EPN3: variants seen among roughly 807,000 people sequenced by gnomAD.
EPN3 encodes the protein epsin-3.
EPN3 carries 56 observed loss-of-function variants against 55.5 expected under a neutral mutation model. The observed-to-expected ratio is 1.01, with a 90% CI of 0.81 to 1.26. EPN3 has a LOEUF of 1.26. Ranked by LOEUF, EPN3 falls within the 50% of genes most tolerant of loss-of-function variation. The pLI, the probability that EPN3 is intolerant of heterozygous loss-of-function variation, is 0.00. For synonymous variants in EPN3, 449 were observed against 375.2 expected (o/e 1.20, Z -2.27); for missense variants, 927 against 853.4 (o/e 1.09, Z -1.07).
chr17:50,538,112 T>G lies in EPN3; in HGVS notation c.596T>G (p.Leu199Arg). The change falls in exon 3 of 10, where the codon CTG becomes CGG. Residue 199 changes from leucine to arginine, a missense_variant. Leu to Arg is a moderately radical substitution (Grantham distance 102). Transcript: ENST00000268933. ...SSSSPRYTSD[L>R]EQARPQTSGE... ...TCGTCACCCCGCTATACCTCCGACC[T>G]GGAGCAGGCCCGGCCTCAGACGTCA... The G allele has an allele frequency of 6.2e-7, 1 of 1,614,054 alleles. No individual in the cohort carries two copies.
Position 50,536,938 on chromosome 17 carries a change from A to C in EPN3, c.382A>C (p.Lys128Gln). 6.2e-7 allele frequency: 1 copy of C among 1,614,134 alleles called. No individual in the cohort carries two copies. Among genetic ancestry groups the C allele is most frequent in the Non-Finnish European group, 8.5e-7 (1 of 1,180,056 alleles). Residue 128 changes from lysine (K) to glutamine (Q), a missense_variant, in exon 2 of 10, where the codon AAG becomes CAG. Transcript: ENST00000268933. Reference sequence around the variant, plus strand: ...GGGCGTCAACGTGCGCGAGAAGGTCAAGCAGGTGATGGCCCTGCTCAAGGA... The same window carrying C: ...GGGCGTCAACGTGCGCGAGAAGGTCCAGCAGGTGATGGCCCTGCTCAAGGA... ...DQGVNVREKV[K>Q]QVMALLKDEE...
chr17:50,533,827 C>A (rs926371718), intron 1 of EPN3, among the ~76,000 whole-genome samples: 1 of 152,066 alleles, frequency 6.6e-6, no homozygotes. Flanking sequence ...TCTCTGAATT[C>A]TCAGGCCCTG....
At position 50,542,257 on chromosome 17, in the gene EPN3, C is replaced by T. The variant is rs980348931; in HGVS notation, c.*100C>T. 2 of 1,271,446 alleles carry T rather than the reference C, an allele frequency of 1.6e-6. No homozygotes were observed. The highest frequency in any genetic ancestry group is 1.6e-5 in the African/African-American group (1 of 63,046). The allele number at this position is 1,271,446 out of a possible 1,614,324, so 78.8% of individuals were successfully genotyped here. A position where few individuals can be genotyped will look rare whatever the true frequency, so the allele number is the denominator to read the frequency against. On this transcript the variant is annotated 3_prime_UTR_variant, in exon 10 of 10. Coordinates refer to ENST00000268933, the MANE Select transcript of EPN3 (RefSeq NM_017957.3). Reference sequence around the variant, plus strand: ...CGGGGCGCCGGTGCTAGTGGAACGCCGAGCCAGTGGCGGCTGGTATCCCGC... The same window carrying T: ...CGGGGCGCCGGTGCTAGTGGAACGCTGAGCCAGTGGCGGCTGGTATCCCGC...
At position 50,536,447 on chromosome 17, in the gene EPN3, T is replaced by C. The variant is rs2034762239; in HGVS notation, c.-110T>C. On this transcript the variant is annotated 5_prime_UTR_variant, in exon 2 of 10. Coordinates refer to ENST00000268933, the MANE Select transcript of EPN3 (RefSeq NM_017957.3). ...CCCATGTGGAACCCAAGGATGCAGC[T>C]GCTCTGCTAACACGGCAGCCCATCC... 2.8e-5 allele frequency: 44 copies of C among 1,553,862 alleles called. No homozygotes were observed. Among genetic ancestry groups the C allele is most frequent in the Non-Finnish European group, 3.6e-5 (42 of 1,159,598 alleles).
At position 50,542,108 on chromosome 17, in the gene EPN3, C is replaced by CCGGGCCG; in HGVS notation, c.1854_1860dup (p.Pro621AlafsTer169). On this transcript the variant is annotated frameshift_variant, in exon 10 of 10. Transcript: ENST00000268933. LOFTEE classifies it high-confidence loss of function. The stretch of plus-strand genomic sequence containing the variant: ...CCGCTGCTGCCCACGCCGAGCTCAG[C>CCGGGCCG]CGGGCCGCGGCCCCCGCCCCCGCAG... 1 of 1,541,834 alleles carries CCGGGCCG rather than the reference C, an allele frequency of 6.5e-7. No homozygotes were observed. Among genetic ancestry groups the CCGGGCCG allele is most frequent in the Non-Finnish European group, 8.7e-7 (1 of 1,154,116 alleles).
In EPN3 at chr17:50,541,487, A is replaced by T; in HGVS notation, c.1378A>T (p.Ser460Cys). The T allele has an allele frequency of 1.2e-6, 2 of 1,614,114 alleles. No individual in the cohort carries two copies. The highest frequency in any genetic ancestry group is 1.7e-6 in the Non-Finnish European group (2 of 1,180,008). Residue 460 changes from serine (S) to cysteine (C), a missense_variant, in exon 9 of 10, where the codon AGC becomes TGC. By Grantham distance (112) the Ser-to-Cys change is moderately radical. Coordinates refer to ENST00000268933, the MANE Select transcript of EPN3 (RefSeq NM_017957.3). ...PVELDLFGDP[S>C]PSSKQNGTKE... is the part of the protein sequence containing the mutation. ...AGAGCTGGACCTGTTTGGAGACCCC[A>T]GCCCCAGTTCCAAGCAAAATGGCAC... is the stretch of plus-strand genomic sequence containing the variant.
intron 1 of EPN3, 145 bp from the exon 2 acceptor site, chr17:50,536,276 A>G (rs569593851): frequency 7.9e-4 from 419 of 533,448 alleles, no homozygotes; most frequent in Non-Finnish European, 1.2e-3. Flanking sequence ...TGCCTGCTGA[A>G]TTGTAAGTGA....
chr17:50,533,081 C>A, intron 1 of EPN3, 96 bp downstream of exon 1: 1 of 773,212 alleles, frequency 1.3e-6, no homozygotes, highest in Non-Finnish European at 1.8e-6. Context: ...AGTCTCTTTT[C>A]CAGGTGCGAG....
At position 50,532,772 on chromosome 17, in the gene EPN3, G is replaced by A. The variant is rs969953221; in HGVS notation, c.-350G>A. 2.2e-5 allele frequency: 16 copies of A among 718,600 alleles called. No individual in the cohort carries two copies. The highest frequency in any genetic ancestry group is 1.4e-4 in the Admixed American group (4 of 28,436). 44.5% of individuals were successfully genotyped at this position (718,600 alleles called of 1,614,324 possible). On this transcript the variant is annotated 5_prime_UTR_variant, in exon 1 of 10. Coordinates refer to ENST00000268933, the MANE Select transcript of EPN3 (RefSeq NM_017957.3). ...GGCGCTGGCTAGGAGGCAAACGCACGCGGGAAGAGCTGCTACCCATTCCAG... is the reference window on the plus strand; with the variant it reads ...GGCGCTGGCTAGGAGGCAAACGCACACGGGAAGAGCTGCTACCCATTCCAG...
Position 50,536,806 on chromosome 17 carries a change from C to T in EPN3, c.250C>T (p.Leu84=), listed in dbSNP as rs776869138. The T allele has an allele frequency of 6.2e-6, 10 of 1,614,060 alleles. No homozygotes were observed. Among genetic ancestry groups the T allele is most frequent in the East Asian group, 2.2e-5 (1 of 44,888 alleles). The change falls in exon 2 of 10, where the codon CTG becomes TTG. Residue 84 remains leucine, a synonymous_variant. Coordinates refer to ENST00000268933, the MANE Select transcript of EPN3 (RefSeq NM_017957.3). ...CAAGGCTCTAACATTGCTGGACTAC[C>T]TGCTCAAGACGGGCTCCGAGCGGGT... ...VYKALTLLDY[L]LKTGSERVAH...
rs749999201 is a variant in EPN3 at position 50,541,212 on chromosome 17, CCT to C, written c.1250-8_1250-7del. 1.9e-6 allele frequency: 3 copies of C among 1,613,278 alleles called. No homozygotes were observed. The highest frequency in any genetic ancestry group is 8.5e-7 in the Non-Finnish European group (1 of 1,179,802). On this transcript the variant is annotated splice_polypyrimidine_tract_variant and intron_variant, in intron 7 of 9. Coordinates refer to ENST00000268933, the MANE Select transcript of EPN3 (RefSeq NM_017957.3). Reference sequence around the variant, plus strand: ...CCTTTTTGTCAACCCATCTCCTCTTCCTCTCTCTCTTCCGAGGTGGTGCCTCG... The same window carrying C: ...CCTTTTTGTCAACCCATCTCCTCTTCCTCTCTCTTCCGAGGTGGTGCCTCG...
chr17:50,542,088 G>A lies in EPN3; in HGVS notation c.1830G>A (p.Leu610=), dbSNP rs757335416. The A allele has an allele frequency of 2.5e-5, 39 of 1,572,264 alleles. No homozygotes were observed. Among genetic ancestry groups the A allele is most frequent in the Non-Finnish European group, 3.2e-5 (37 of 1,169,470 alleles). ...CCGGAGCCTTCGCACCGCAGCCGCT[G>A]CTGCCCACGCCGAGCTCAGCCGGGC... The part of the protein sequence containing the change: ...PQAGAFAPQP[L]LPTPSSAGPR... Residue 610 remains leucine, a synonymous_variant, in exon 10 of 10, where the codon CTG becomes CTA. Transcript: ENST00000268933.
chr17:50,539,034 C>A, intron 4 of EPN3, 70 bp downstream of exon 4: 2 of 1,537,966 alleles, frequency 1.3e-6, no homozygotes, highest in Non-Finnish European at 8.8e-7. Flanking sequence ...AGGGCACTAA[C>A]AGCCTCCTCC....
intron 5 of EPN3, 144 bp from the exon 6 acceptor site, chr17:50,540,103 G>A (rs2034823966): frequency 3.4e-6 from 2 of 585,072 alleles, no homozygotes; most frequent in South Asian, 2.4e-5. Flanking sequence ...AAACTGTAAA[G>A]CACTGTGCAG....
chr17:50,534,636 G>C (rs1460097686), intron 1 of EPN3: 13 of 985,338 alleles, frequency 1.3e-5, no homozygotes, highest in Non-Finnish European at 1.6e-5. Context: ...TGGAAGGAAA[G>C]AGATAGCAGA....
chr17:50,533,012 T>G lies in EPN3; in HGVS notation c.-137+27T>G, dbSNP rs144900599. Reference sequence around the variant, plus strand: ...TAAGCTTCCTCCCTGGCCCCCTCCCTGGCAGTGGCGGCATGGAAGGCGGGG... The same window carrying G: ...TAAGCTTCCTCCCTGGCCCCCTCCCGGGCAGTGGCGGCATGGAAGGCGGGG... On this transcript the variant is annotated intron_variant, in intron 1 of 9. Coordinates refer to ENST00000268933, the MANE Select transcript of EPN3 (RefSeq NM_017957.3). The G allele has an allele frequency of 4.8e-6, 6 of 1,255,670 alleles. No individual in the cohort carries two copies. The East Asian group carries it at 1.8e-4, about 37-fold the overall frequency. 77.8% of individuals were successfully genotyped at this position (1,255,670 alleles called of 1,614,324 possible). A position where few individuals can be genotyped will look rare whatever the true frequency, so the allele number is the denominator to read the frequency against.
At chr17:50,541,155 C>G in intron 7 of EPN3, 74 bp from the exon 8 acceptor site, 1 of 1,603,112 alleles carries the variant, frequency 6.2e-7, no homozygotes, top group African/African-American at 1.3e-5. Flanking sequence ...AGGAGGACAG[C>G]TTCTCTGGAA....
At position 50,539,276 on chromosome 17, in the gene EPN3, A is replaced by G; in HGVS notation, c.852A>G (p.Arg284=). ...VHHQRDREPE[R]EERKEEEKLK... is the part of the protein sequence containing the mutation. ...ATCAGCGGGACAGAGAGCCTGAGAG[A>G]GAAGAGAGAAAGGAGGAGGAGAAGC... The change falls in exon 5 of 10, where the codon AGA becomes AGG. Residue 284 remains arginine, a synonymous_variant. Coordinates refer to ENST00000268933, the MANE Select transcript of EPN3 (RefSeq NM_017957.3). The G allele has an allele frequency of 1.2e-6, 2 of 1,614,206 alleles. No homozygotes were observed. The highest frequency in any genetic ancestry group is 1.7e-6 in the Non-Finnish European group (2 of 1,180,030).
rs769287171 is a variant in EPN3, at chr17:50,542,385, C to T, written c.*228C>T. ...TCGTTCTCAGCTCTCACCAAGTGGACTTTTTGCGGGGTGTGGCGGCCGGGT... is the reference window on the plus strand; with the variant it reads ...TCGTTCTCAGCTCTCACCAAGTGGATTTTTTGCGGGGTGTGGCGGCCGGGT... On this transcript the variant is annotated 3_prime_UTR_variant, in exon 10 of 10. Coordinates refer to ENST00000268933, the MANE Select transcript of EPN3 (RefSeq NM_017957.3). 1 of 474,150 alleles carries T rather than the reference C, an allele frequency of 2.1e-6. No homozygotes were observed. Among genetic ancestry groups the T allele is most frequent in the Non-Finnish European group, 3.6e-6 (1 of 279,956 alleles). 29.4% of individuals were successfully genotyped at this position (474,150 alleles called of 1,614,324 possible).
Sources: gnomAD v4.1 joint callset for allele counts (sites outside exome capture counted in the v4.1 genomes callset) on GRCh38, gnomAD v4.1.1 for gene constraint, MANE v1.5 for transcripts, NCBI Gene and HGNC (gene_info 2026-07-23, HGNC 2026-07-21) for gene names.